The following XPO4 variants were observed in gnomAD, a reference collection of about 807,000 sequenced individuals.
XPO4 encodes the protein exportin-4.
XPO4 carries 39 observed loss-of-function variants against 143.0 expected under a neutral mutation model. The ratio of observed to expected loss-of-function variants is 0.27; its 90% confidence interval spans 0.21 to 0.36. The LOEUF (loss-of-function observed/expected upper bound fraction) is 0.36, where lower values mean the gene tolerates loss of function less well. Among genes scored for constraint, XPO4 ranks in the 10% least tolerant of loss-of-function variants. XPO4 has a pLI of 1.00. For missense variants in XPO4, 907 were observed against 1,348.0 expected, an observed-to-expected ratio of 0.67 and a Z score of 5.12; for synonymous variants, 439 against 474.0, an observed-to-expected ratio of 0.93 and a Z score of 0.96.
rs145234844 is a variant in XPO4 at position 20,822,485 on chromosome 13, T to C, written c.841-196A>G. 1.3e-3 allele frequency among the ~76,000 whole-genome samples: 197 copies of C among 152,340 alleles called. 1 individual carries two copies. Among genetic ancestry groups the C allele is most frequent in the African/African-American group, 4.1e-3 (172 of 41,578 alleles). ...CAGGTCATTATTTTAAACATATCAA[T>C]TGATTTTTAACTGAGGGCTACCTAC... On this transcript the variant is annotated intron_variant, in intron 7 of 22. Coordinates refer to ENST00000255305, the MANE Select transcript of XPO4 (RefSeq NM_022459.5).
intron 1 of XPO4, 104 bp from the exon 2 acceptor site, chr13:20,868,805 G>T: frequency 9.9e-7 from 1 of 1,008,358 alleles, no homozygotes; most frequent in Non-Finnish European, 1.5e-6. Flanking sequence ...ACTTTTGGGG[G>T]GCAAGAGGAA....
rs191941577 is a variant in XPO4, at chr13:20,814,783, T to C, written c.1174-4816A>G. 5.9e-5 allele frequency among the ~76,000 whole-genome samples: 9 copies of C among 152,372 alleles called. No individual in the cohort carries two copies. The East Asian group carries it at 1.5e-3, about 26-fold the overall frequency. On this transcript the variant is annotated intron_variant, in intron 9 of 22. Coordinates refer to ENST00000255305, the MANE Select transcript of XPO4 (RefSeq NM_022459.5). ...CTTACGAGACTACTTGACCCCACTTTACTCCATCTGGAAATGCAGGGTGGA... is the reference window on the plus strand; with the variant it reads ...CTTACGAGACTACTTGACCCCACTTCACTCCATCTGGAAATGCAGGGTGGA...
intron 6 of XPO4, among the ~76,000 whole-genome samples, chr13:20,828,808 C>T (rs1459891877): frequency 6.6e-6 from 1 of 152,142 alleles, no homozygotes; most frequent in African/African-American, 2.4e-5. Context: ...CCCGTGAACC[C>T]TAAGAGCTAA....
At chr13:20,850,673 G>A (rs922378621) in intron 4 of XPO4, 2 of 469,222 alleles carry the variant, frequency 4.3e-6, no homozygotes, top group Admixed American at 1.3e-4. Flanking sequence ...GCTGAGGTGG[G>A]AGGATCACTT....
intron 7 of XPO4, among the ~76,000 whole-genome samples, chr13:20,822,890 A>G (rs1247616499): frequency 6.6e-6 from 1 of 152,218 alleles, no homozygotes; most frequent in East Asian, 1.9e-4. Flanking sequence ...TGAATACCAA[A>G]TGTAAATTAT....
chr13:20,849,246 T>C (rs1469807686), intron 4 of XPO4: 4 of 985,332 alleles, frequency 4.1e-6, no homozygotes, highest in Non-Finnish European at 1.2e-6. Context: ...TGCTCTTCTA[T>C]GCAAACATCA....
At chr13:20,797,772 T>C (rs1219169385) in intron 16 of XPO4, among the ~76,000 whole-genome samples, 1 of 152,182 alleles carries the variant, frequency 6.6e-6, no homozygotes, top group African/African-American at 2.4e-5. Context: ...TTAAATAATG[T>C]GCCCATGGTT....
intron 9 of XPO4, among the ~76,000 whole-genome samples, chr13:20,821,489 G>C (rs2059719178): frequency 6.6e-6 from 1 of 152,056 alleles, no homozygotes; most frequent in Admixed American, 6.6e-5. Flanking sequence ...AAAATTAAAT[G>C]CTTAAGACCA....
intron 9 of XPO4, among the ~76,000 whole-genome samples, chr13:20,812,498 G>T (rs1461154811): frequency 1.3e-5 from 2 of 152,028 alleles, no homozygotes; most frequent in African/African-American, 2.4e-5. Context: ...CACAGGAAGG[G>T]TAGGCGTCTT....
At chr13:20,854,797 A>G (rs1006064280) in intron 4 of XPO4, among the ~76,000 whole-genome samples, 1 of 152,150 alleles carries the variant, frequency 6.6e-6, no homozygotes, top group Non-Finnish European at 1.5e-5. Context: ...TGGACAGGAG[A>G]GTGGAGAGGG....
chr13:20,893,846 G>A (rs1051965183), intron 1 of XPO4, among the ~76,000 whole-genome samples: 3 of 151,620 alleles, frequency 2.0e-5, no homozygotes, highest in African/African-American at 7.3e-5. Context: ...GCAGTTTTTT[G>A]TTTTGTTTTG....
intron 1 of XPO4, among the ~76,000 whole-genome samples, chr13:20,895,373 T>G (rs2060558122): frequency 1.3e-5 from 2 of 152,152 alleles, no homozygotes; most frequent in Admixed American, 6.6e-5. Context: ...GGCTCACAGC[T>G]GTAATCCTAG....
At chr13:20,843,624 C>T in intron 5 of XPO4, 146 bp downstream of exon 5, 2 of 612,188 alleles carry the variant, frequency 3.3e-6, no homozygotes, top group Non-Finnish European at 5.7e-6. Context: ...TATCATTTTA[C>T]TATATCCTTT....
At position 20,843,024 on chromosome 13, in the gene XPO4, T is replaced by A; in HGVS notation, c.598A>T (p.Met200Leu). ...FQEEDLRQIF[M>L]LTVEVLQEFS... ...TCCTGCAGAACTTCAACAGTTAACA[T>A]GAAGATCTGACGAAGGTCTTCTTCC... The change falls in exon 6 of 23, where the codon ATG becomes TTG. Residue 200 changes from methionine (M) to leucine (L), a missense_variant. Physicochemically the swap from Met to Leu is conservative, Grantham distance 15 (BLOSUM62 2). Coordinates refer to ENST00000255305, the MANE Select transcript of XPO4 (RefSeq NM_022459.5). 1 of 1,612,106 alleles carries A rather than the reference T, an allele frequency of 6.2e-7. No homozygotes were observed.
intron 4 of XPO4, chr13:20,849,448 A>C: frequency 1.0e-6 from 1 of 984,040 alleles, no homozygotes; most frequent in Non-Finnish European, 1.2e-6. Context: ...AATATGAATT[A>C]TATGTTTAAA....
intron 4 of XPO4, chr13:20,851,453 C>A (rs1053192428): frequency 1.0e-6 from 1 of 984,538 alleles, no homozygotes; most frequent in Admixed American, 6.2e-5. Flanking sequence ...GGTTGGCTCA[C>A]ACCTATAATC....
At chr13:20,850,744 G>A (rs1038277471) in intron 4 of XPO4, 34 of 952,122 alleles carry the variant, frequency 3.6e-5, no homozygotes, top group Middle Eastern at 5.3e-4. Context: ...CAGCCCAGGC[G>A]ATAGAGCGAG....
chr13:20,785,603 A>T (rs35410392), intron 22 of XPO4, among the ~76,000 whole-genome samples: 68,714 of 150,678 alleles, frequency 0.46, 17,574 homozygotes, highest in East Asian at 0.8. Flanking sequence ...AGGCCGAGGC[A>T]GGAGTTAGCA....
chr13:20,859,488 T>C (rs986037115), intron 3 of XPO4, among the ~76,000 whole-genome samples: 2 of 152,044 alleles, frequency 1.3e-5, no homozygotes, highest in African/African-American at 4.8e-5. Flanking sequence ...TAGTCCCAGC[T>C]ACTCGGGAGG....
Sources: allele counts gnomAD v4.1 joint callset (sites outside exome capture counted in the v4.1 genomes callset), GRCh38; gene constraint gnomAD v4.1.1; transcripts MANE v1.5; gene names NCBI Gene and HGNC (gene_info 2026-07-23, HGNC 2026-07-21).